The following SHISAL2B variants were observed in gnomAD, a reference collection of about 807,000 sequenced individuals.
SHISAL2B encodes the protein shisa like 2B.
SHISAL2B carries 12 observed loss-of-function variants against 16.5 expected under a neutral mutation model. That is an observed-to-expected ratio of 0.73 (90% CI 0.47 to 1.18). SHISAL2B has a LOEUF of 1.18. SHISAL2B is among the 50% of genes most tolerant of loss of function. The pLI is 0.00. For synonymous variants in SHISAL2B, 72 were observed against 75.0 expected, an observed-to-expected ratio of 0.96 and a Z score of 0.21; for missense variants, 183 against 193.6, an observed-to-expected ratio of 0.95 and a Z score of 0.33.
rs1013333233 is a variant in SHISAL2B, at chr5:64,715,190, A to T, written c.350-2699A>T. 1.9e-4 allele frequency among the ~76,000 whole-genome samples: 29 copies of T among 152,148 alleles called. 1 individual carries two copies. Among genetic ancestry groups the T allele is most frequent in the Non-Finnish European group, 1.0e-4 (7 of 68,014 alleles). On this transcript the variant is annotated intron_variant, in intron 2 of 2. Transcript: ENST00000389074. Reference sequence around the variant, plus strand: ...TTTTACTTATAGAAAGGTATCTTTAATATATATTTTTACTTACAAAAAGCA... The same window carrying T: ...TTTTACTTATAGAAAGGTATCTTTATTATATATTTTTACTTACAAAAAGCA...
At chr5:64,698,044 A>G (rs1012998195) in intron 2 of SHISAL2B, among the ~76,000 whole-genome samples, 6 of 152,228 alleles carry the variant, frequency 3.9e-5, no homozygotes, top group African/African-American at 1.4e-4. Flanking sequence ...ATTTAGTACA[A>G]ATGACTTAGG....
At chr5:64,714,896 A>G (rs972672214) in intron 2 of SHISAL2B, among the ~76,000 whole-genome samples, 2 of 152,118 alleles carry the variant, frequency 1.3e-5, no homozygotes, top group African/African-American at 2.4e-5. Flanking sequence ...GCCCTGCTTC[A>G]GCTCGTGCAC....
intron 2 of SHISAL2B, among the ~76,000 whole-genome samples, chr5:64,709,042 T>C (rs1343646227): frequency 1.3e-5 from 2 of 152,024 alleles, no homozygotes; most frequent in African/African-American, 4.8e-5. Flanking sequence ...CTTTTTTTTT[T>C]TTTTAATATT....
chr5:64,692,771 T>C (rs1354852595), intron 1 of SHISAL2B, among the ~76,000 whole-genome samples: 1 of 152,154 alleles, frequency 6.6e-6, no homozygotes, highest in Non-Finnish European at 1.5e-5. Context: ...AGGATAATTC[T>C]TCCTTTCCTG....
intron 1 of SHISAL2B, chr5:64,691,370 T>A (rs932612588): frequency 6.6e-6 from 1 of 150,538 alleles, no homozygotes; most frequent in Non-Finnish European, 1.5e-5. Flanking sequence ...TGTATATTTT[T>A]AAAAGTGTGT....
intron 2 of SHISAL2B, 116 bp downstream of exon 2, chr5:64,695,780 G>A: frequency 1.4e-6 from 1 of 722,170 alleles, no homozygotes; most frequent in Non-Finnish European, 2.0e-6. Context: ...AGTTCACTAT[G>A]TGTCTCACTA....
At chr5:64,699,633 G>A (rs1016661500) in intron 2 of SHISAL2B, among the ~76,000 whole-genome samples, 5 of 152,152 alleles carry the variant, frequency 3.3e-5, no homozygotes, top group Non-Finnish European at 5.9e-5. Context: ...TTTCTCATGG[G>A]TCAGCCTCTC....
chr5:64,715,596 C>T (rs1289161310), intron 2 of SHISAL2B, among the ~76,000 whole-genome samples: 1 of 152,116 alleles, frequency 6.6e-6, no homozygotes, highest in Non-Finnish European at 1.5e-5. Context: ...TGAACTGAGC[C>T]AGAAGAGGAA....
intron 2 of SHISAL2B, among the ~76,000 whole-genome samples, chr5:64,697,580 T>C (rs1741756931): frequency 6.6e-6 from 1 of 152,122 alleles, no homozygotes; most frequent in Non-Finnish European, 1.5e-5. Flanking sequence ...GTACTAATTA[T>C]AAATTTTATT....
chr5:64,695,094 G>T (rs1741713595), intron 1 of SHISAL2B, among the ~76,000 whole-genome samples: 1 of 152,084 alleles, frequency 6.6e-6, no homozygotes, highest in East Asian at 1.9e-4. Context: ...GTGAAACCCC[G>T]TTTCTACTAA....
chr5:64,694,527 G>T lies in SHISAL2B; in HGVS notation c.192-980G>T, dbSNP rs12110196. Among the ~76,000 whole-genome samples the T allele has an allele frequency of 7.3e-4, 111 of 152,286 alleles. 2 individuals carry two copies. The highest frequency in any genetic ancestry group is 2.3e-3 in the African/African-American group (95 of 41,560). The stretch of plus-strand genomic sequence containing the variant: ...ATTTCTCAAATGATTAGACTTAGAG[G>T]TAACTGCATCAGACGGAATCATTAC... On this transcript the variant is annotated intron_variant, in intron 1 of 2. Coordinates refer to ENST00000389074, the MANE Select transcript of SHISAL2B (RefSeq NM_001164442.2).
intron 2 of SHISAL2B, among the ~76,000 whole-genome samples, chr5:64,707,956 C>A (rs998030129): frequency 2.0e-5 from 3 of 152,094 alleles, no homozygotes; most frequent in African/African-American, 7.2e-5. Flanking sequence ...TCAAGAGCAC[C>A]TATCAAAGTC....
At chr5:64,693,366 A>T (rs1741682860) in intron 1 of SHISAL2B, among the ~76,000 whole-genome samples, 1 of 152,192 alleles carries the variant, frequency 6.6e-6, no homozygotes, top group South Asian at 2.1e-4. Context: ...AGTATTATGA[A>T]GAACATTCTT....
At chr5:64,712,346 G>C (rs953395343) in intron 2 of SHISAL2B, among the ~76,000 whole-genome samples, 5 of 152,142 alleles carry the variant, frequency 3.3e-5, no homozygotes, top group African/African-American at 9.7e-5. Flanking sequence ...TAGTTGAGCG[G>C]CTTTGAGTGA....
In SHISAL2B at chr5:64,698,549, T is replaced by C. The variant is rs369328592; in HGVS notation, c.349+2885T>C. ...ATATCTGCATGACTTACATTATCAC[T>C]TTCCATCTTTACTCAAAAGTTACCT... On this transcript the variant is annotated intron_variant, in intron 2 of 2. Coordinates refer to ENST00000389074, the MANE Select transcript of SHISAL2B (RefSeq NM_001164442.2). Among the ~76,000 whole-genome samples, 263 of 152,280 alleles carry C rather than the reference T, an allele frequency of 1.7e-3. 1 individual carries two copies. Among genetic ancestry groups the C allele is most frequent in the African/African-American group, 6.0e-3 (249 of 41,554 alleles).
At chr5:64,700,797 G>A (rs1365009215) in intron 2 of SHISAL2B, among the ~76,000 whole-genome samples, 3 of 152,158 alleles carry the variant, frequency 2.0e-5, no homozygotes, top group Non-Finnish European at 2.9e-5. Context: ...CAGGTCGGGG[G>A]TGGGAGGGAT....
rs1346192978 is a variant in SHISAL2B, at chr5:64,690,728, T to C, written c.105T>C (p.Tyr35=). The change falls in exon 1 of 3, where the codon TAT becomes TAC. Residue 35 remains tyrosine, a synonymous_variant. Transcript: ENST00000389074. ...PRRGEGAALQ[Y]CCGFADLKYC... ...GCGGCGAGGGGGCAGCGCTCCAGTA[T>C]TGCTGCGGCTTCGCCGACCTCAAGT... 2.6e-6 allele frequency: 4 copies of C among 1,537,514 alleles called. No individual in the cohort carries two copies. Among genetic ancestry groups the C allele is most frequent in the Non-Finnish European group, 2.6e-6 (3 of 1,147,796 alleles).
chr5:64,693,257 T>C (rs369713957), intron 1 of SHISAL2B, among the ~76,000 whole-genome samples: 1 of 152,168 alleles, frequency 6.6e-6, no homozygotes, highest in East Asian at 1.9e-4. Flanking sequence ...TTCGCCCGCC[T>C]CAGCCTCCCA....
intron 2 of SHISAL2B, among the ~76,000 whole-genome samples, chr5:64,708,669 A>G (rs1424214149): frequency 6.6e-6 from 1 of 152,140 alleles, no homozygotes; most frequent in Non-Finnish European, 1.5e-5. Flanking sequence ...TTTACTTTGC[A>G]AAGTCAATAC....
Sources: gnomAD v4.1 joint callset for allele counts (sites outside exome capture counted in the v4.1 genomes callset) on GRCh38, gnomAD v4.1.1 for gene constraint, MANE v1.5 for transcripts, NCBI Gene and HGNC (gene_info 2026-07-23, HGNC 2026-07-21) for gene names.